Variants in EIF3M observed in about 807,000 individuals in gnomAD.
EIF3M encodes the protein eukaryotic translation initiation factor 3 subunit M, also known as B5 receptor.
Under a neutral mutation model 49.7 loss-of-function variants are expected in EIF3M, and 25 were observed. The observed-to-expected ratio is 0.50, with a 90% confidence interval of 0.37 to 0.70. The LOEUF (loss-of-function observed/expected upper bound fraction) is 0.70. EIF3M is among the 30% of genes least tolerant of loss of function. The pLI is 0.00. For synonymous variants in EIF3M, 156 were observed against 149.8 expected (o/e 1.04, Z -0.30); for missense variants, 350 against 440.0 (o/e 0.80, Z 1.83).
chr11:32,584,155 C>G lies in EIF3M; in HGVS notation c.42+226C>G, dbSNP rs1854954243. 6.8e-6 allele frequency: 4 copies of G among 590,382 alleles called. No homozygotes were observed. In the South Asian group the frequency reaches 8.2e-5, roughly 12 times the overall value. 36.6% of individuals were successfully genotyped at this position (590,382 alleles called of 1,614,324 possible). ...GGCCCGACGCTTCACCGCCAGCTCC[C>G]TGGTCGGCGTCGGGACTCATTTCTG... On this transcript the variant is annotated intron_variant, in intron 1 of 10. Transcript: ENST00000531120.
intron 9 of EIF3M, 99 bp from the exon 10 acceptor site, chr11:32,601,663 A>G (rs1368751998): frequency 1.8e-6 from 2 of 1,120,070 alleles, no homozygotes; most frequent in East Asian, 5.0e-5. Flanking sequence ...AAAACAGTAT[A>G]AAGTTTTATT....
At chr11:32,588,820 A>T (rs1383082166) in intron 3 of EIF3M, 88 bp downstream of exon 3, 4 of 1,581,086 alleles carry the variant, frequency 2.5e-6, no homozygotes, top group Non-Finnish European at 3.4e-6. Context: ...GAATTCTGGA[A>T]CTTGACTCTC....
At chr11:32,586,024 G>A (rs1427791717) in intron 1 of EIF3M, among the ~76,000 whole-genome samples, 14 of 152,198 alleles carry the variant, frequency 9.2e-5, no homozygotes, top group Non-Finnish European at 2.1e-4. Flanking sequence ...GAGGTCAGGT[G>A]TTTGAGACCA....
At chr11:32,601,015 C>T in intron 9 of EIF3M, 183 bp downstream of exon 9, 1 of 637,818 alleles carries the variant, frequency 1.6e-6, no homozygotes, top group Non-Finnish European at 2.4e-6. Context: ...ATATAAACTG[C>T]TATATTCTAT....
Position 32,601,501 on chromosome 11 carries a change from TAAAAAAAA to T in EIF3M, c.944-246_944-239del, listed in dbSNP as rs60498109. 8.7e-5 allele frequency: 19 copies of T among 217,280 alleles called. No homozygotes were observed. The East Asian group carries it at 1.7e-3, about 20-fold the overall frequency. The allele number at this position is 217,280 out of a possible 1,614,324, so 13.5% of individuals were successfully genotyped here. A position where few individuals can be genotyped will look rare whatever the true frequency, so the allele number is the denominator to read the frequency against. On this transcript the variant is annotated intron_variant, in intron 9 of 10. Coordinates refer to ENST00000531120, the MANE Select transcript of EIF3M (RefSeq NM_006360.6). The stretch of plus-strand genomic sequence containing the variant: ...TAGGGGAAGAACACCTAGCATTCTT[TAAAAAAAA>T]AAAAAAAAAAAAAACAGCAAAAAAC...
intron 1 of EIF3M, 87 bp from the exon 2 acceptor site, chr11:32,586,925 C>A: frequency 6.8e-7 from 1 of 1,461,974 alleles, no homozygotes; most frequent in Non-Finnish European, 9.1e-7. Context: ...TACAGTATTT[C>A]CGTTTTAGTT....
intron 5 of EIF3M, 54 bp downstream of exon 5, chr11:32,589,695 G>A (rs747790943): frequency 2.7e-4 from 419 of 1,538,696 alleles, no homozygotes; most frequent in Non-Finnish European, 3.1e-4. Context: ...TAAGTAGGTG[G>A]GGATGTTTTT....
rs2450409 is a variant in EIF3M, at chr11:32,603,564, A to G, written c.*1165A>G. 0.23 allele frequency: 34,697 copies of G among 152,068 alleles called. 4,240 individuals carry two copies. The highest frequency in any genetic ancestry group is 0.28 in the Middle Eastern group (82 of 294). The allele number at this position is 152,068 out of a possible 1,614,324, so 9.4% of individuals were successfully genotyped here. Reference sequence around the variant, plus strand: ...TATTTTTAGCCTATTTGATCATTCTATAGAATTTTATGTATTTTCCTCTGT... The same window carrying G: ...TATTTTTAGCCTATTTGATCATTCTGTAGAATTTTATGTATTTTCCTCTGT... On this transcript the variant is annotated 3_prime_UTR_variant, in exon 11 of 11. Transcript: ENST00000531120.
chr11:32,590,975 T>G (rs948164533), intron 5 of EIF3M, among the ~76,000 whole-genome samples: 30 of 152,184 alleles, frequency 2.0e-4, no homozygotes, highest in Non-Finnish European at 2.9e-4. Flanking sequence ...CTCAGCCTCC[T>G]GAGCAGCTGG....
intron 6 of EIF3M, chr11:32,594,150 C>T (rs1855144439): frequency 2.7e-6 from 1 of 371,806 alleles, no homozygotes; most frequent in Non-Finnish European, 4.8e-6. Context: ...TATGAAGTAG[C>T]TGCATGGCGT....
At chr11:32,586,542 A>C (rs778826957) in intron 1 of EIF3M, among the ~76,000 whole-genome samples, 2 of 152,230 alleles carry the variant, frequency 1.3e-5, no homozygotes, top group Non-Finnish European at 2.9e-5. Context: ...TGATTAACAA[A>C]TGATTACCCT....
At chr11:32,594,844 G>C (rs572130265) in intron 6 of EIF3M, 70 bp from the exon 7 acceptor site, 13 of 1,405,700 alleles carry the variant, frequency 9.2e-6, no homozygotes, top group Non-Finnish European at 1.3e-5. Flanking sequence ...TATATTTTAT[G>C]ATCTGCAAAA....
rs1301961319 is a variant in EIF3M at position 32,602,609 on chromosome 11, TGAA to T, written c.*215_*217del. On this transcript the variant is annotated 3_prime_UTR_variant, in exon 11 of 11. Transcript: ENST00000531120. ...AATTCTGTTCTTTAAAAAAGGATAT[TGAA>T]GAAGCAATGAGCACTTTAAAGAAAG... is the stretch of plus-strand genomic sequence containing the variant. 3 of 768,822 alleles carry T rather than the reference TGAA, an allele frequency of 3.9e-6. No homozygotes were observed. In the African/African-American group the frequency reaches 5.3e-5, roughly 14 times the overall value. The allele number at this position is 768,822 out of a possible 1,614,324, so 47.6% of individuals were successfully genotyped here.
At chr11:32,591,067 T>A (rs1209165324) in intron 5 of EIF3M, among the ~76,000 whole-genome samples, 1 of 152,166 alleles carries the variant, frequency 6.6e-6, no homozygotes, top group Non-Finnish European at 1.5e-5. Flanking sequence ...GTCAGGATGG[T>A]CTTGATCTCC....
At position 32,583,895 on chromosome 11, in the gene EIF3M, T is replaced by C; in HGVS notation, c.8T>C (p.Val3Ala). MS[V>A]PAFIDISEED... ...TGTGCCCGGGCCTGCACCATGAGCG[T>C]CCCGGCCTTCATCGACATCAGTGAA... Residue 3 changes from valine to alanine, a missense_variant, in exon 1 of 11, where the codon GTC becomes GCC. Physicochemically the swap from Val to Ala is moderately conservative, Grantham distance 64. Transcript: ENST00000531120. The C allele has an allele frequency of 6.2e-7, 1 of 1,613,806 alleles. No homozygotes were observed. The highest frequency in any genetic ancestry group is 8.5e-7 in the Non-Finnish European group (1 of 1,179,838).
chr11:32,602,282 T>C lies in EIF3M; in HGVS notation c.1008T>C (p.His336=), dbSNP rs1855281908. 1 of 1,610,650 alleles carries C rather than the reference T, an allele frequency of 6.2e-7. No homozygotes were observed. Among genetic ancestry groups the C allele is most frequent in the Non-Finnish European group, 8.5e-7 (1 of 1,178,078 alleles). The change falls in exon 11 of 11, where the codon CAT becomes CAC. Residue 336 remains histidine (H), a synonymous_variant. Transcript: ENST00000531120. The part of the protein sequence containing the change: ...DQTQRKVVVS[H]STHRTFGKQQ... The stretch of plus-strand genomic sequence containing the variant: ...TGTTTAATTTTTCAATTTTTAGTCA[T>C]AGCACACATCGGACATTTGGAAAAC...
At chr11:32,583,968 G>A in intron 1 of EIF3M, 39 bp downstream of exon 1, 1 of 1,611,478 alleles carries the variant, frequency 6.2e-7, no homozygotes, top group Non-Finnish European at 8.5e-7. Flanking sequence ...GGTGGGGTGG[G>A]GGATGTCCTA....
At position 32,603,094 on chromosome 11, in the gene EIF3M, A is replaced by G; in HGVS notation, c.*695A>G. On this transcript the variant is annotated 3_prime_UTR_variant, in exon 11 of 11. Coordinates refer to ENST00000531120, the MANE Select transcript of EIF3M (RefSeq NM_006360.6). ...TTTAAAGAGTCTGTAAAGCCTCTGCAGTTATGAGTATGTGGTAAAACCACC... is the reference window on the plus strand; with the variant it reads ...TTTAAAGAGTCTGTAAAGCCTCTGCGGTTATGAGTATGTGGTAAAACCACC... The G allele has an allele frequency of 8.2e-7, 1 of 1,224,254 alleles. No individual in the cohort carries two copies. The highest frequency in any genetic ancestry group is 1.5e-5 in the South Asian group (1 of 68,524). 75.8% of individuals were successfully genotyped at this position (1,224,254 alleles called of 1,614,324 possible). A position where few individuals can be genotyped will look rare whatever the true frequency, so the allele number is the denominator to read the frequency against.
intron 1 of EIF3M, among the ~76,000 whole-genome samples, chr11:32,586,066 C>T (rs1382400529): frequency 2.0e-5 from 3 of 152,158 alleles, no homozygotes; most frequent in South Asian, 4.1e-4. Context: ...CCTGCCTCTA[C>T]TAAAAATACA....
Sources: gnomAD v4.1 joint callset for allele counts (sites outside exome capture counted in the v4.1 genomes callset) on GRCh38, gnomAD v4.1.1 for gene constraint, MANE v1.5 for transcripts, NCBI Gene and HGNC (gene_info 2026-07-23, HGNC 2026-07-21) for gene names.